Variants in STAG1 observed in about 807,000 individuals in gnomAD.
STAG1 encodes the protein STAG1 cohesin complex component, also known as cohesin subunit SA-1.
In STAG1, 26 loss-of-function variants were observed where a neutral mutation model predicts 170.9. The observed-to-expected ratio is 0.15, with a 90% CI of 0.11 to 0.21. STAG1 has a LOEUF of 0.21. Among genes scored for constraint, STAG1 ranks in the 10% least tolerant of loss-of-function variants. The probability of loss-of-function intolerance (pLI) is 1.00; values close to 1 mark genes in which losing one functional copy is unlikely to be tolerated. For synonymous variants in STAG1, 514 were observed against 497.7 expected, an observed-to-expected ratio of 1.03 and a Z score of -0.44; for missense variants, 964 against 1,509.5, an observed-to-expected ratio of 0.64 and a Z score of 5.99.
At chr3:136,371,035 T>A (rs1937304247) in intron 23 of STAG1, among the ~76,000 whole-genome samples, 1 of 152,200 alleles carries the variant, frequency 6.6e-6, no homozygotes, top group Admixed American at 6.5e-5. Context: ...TTCCTGACTT[T>A]TTAATGATCG....
intron 13 of STAG1, among the ~76,000 whole-genome samples, chr3:136,461,694 AAC>A (rs1452067861): frequency 6.6e-6 from 1 of 152,094 alleles, no homozygotes; most frequent in Non-Finnish European, 1.5e-5. Context: ...TAAAAGGAAA[AAC>A]AGACAAATGA....
intron 9 of STAG1, among the ~76,000 whole-genome samples, chr3:136,485,313 T>C (rs1344482037): frequency 6.6e-6 from 1 of 151,882 alleles, no homozygotes; most frequent in Non-Finnish European, 1.5e-5. Flanking sequence ...AAAAATTAGC[T>C]GGGCGTGGTG....
intron 15 of STAG1, among the ~76,000 whole-genome samples, chr3:136,436,115 C>G (rs1464381876): frequency 6.6e-6 from 1 of 151,330 alleles, no homozygotes; most frequent in East Asian, 1.9e-4. Flanking sequence ...GCCACCACAC[C>G]CGGCTAATTT....
intron 15 of STAG1, among the ~76,000 whole-genome samples, chr3:136,435,339 C>T (rs1678629765): frequency 6.6e-6 from 1 of 152,158 alleles, no homozygotes; most frequent in Non-Finnish European, 1.5e-5. Flanking sequence ...GAATGAGCCA[C>T]AGAAAAATGC....
intron 32 of STAG1, among the ~76,000 whole-genome samples, chr3:136,339,932 A>G (rs1935895628): frequency 6.6e-6 from 1 of 152,198 alleles, no homozygotes. Flanking sequence ...TTAAAGCACA[A>G]GAGGCCAGAT....
intron 9 of STAG1, among the ~76,000 whole-genome samples, chr3:136,499,021 GTC>G (rs1244878835): frequency 2.6e-5 from 4 of 152,140 alleles, no homozygotes; most frequent in African/African-American, 9.7e-5. Context: ...TACTACAGCT[GTC>G]TCTGAGTAAT....
chr3:136,475,803 G>A (rs976220343), intron 10 of STAG1, among the ~76,000 whole-genome samples: 1 of 152,180 alleles, frequency 6.6e-6, no homozygotes, highest in African/African-American at 2.4e-5. Flanking sequence ...ATTGCTAAGT[G>A]TCACTGAAAG....
intron 5 of STAG1, among the ~76,000 whole-genome samples, chr3:136,544,099 C>G (rs1936034362): frequency 6.6e-6 from 1 of 152,140 alleles, no homozygotes; most frequent in African/African-American, 2.4e-5. Context: ...GCATCCACCT[C>G]CAGAGTAGAC....
At chr3:136,602,119 G>A (rs185076910) in intron 4 of STAG1, among the ~76,000 whole-genome samples, 143 of 152,172 alleles carry the variant, frequency 9.4e-4, no homozygotes, top group African/African-American at 3.3e-3. Flanking sequence ...AGTGGCTCAC[G>A]TCTATAATCC....
chr3:136,500,316 A>G lies in STAG1; in HGVS notation c.829-20T>C, dbSNP rs762708410. 155 of 1,476,716 alleles carry G rather than the reference A, an allele frequency of 1.0e-4. No individual in the cohort carries two copies. The highest frequency in any genetic ancestry group is 3.1e-4 in the Admixed American group (17 of 54,856). 91.5% of individuals were successfully genotyped at this position (1,476,716 alleles called of 1,614,324 possible). A position where few individuals can be genotyped will look rare whatever the true frequency, so the allele number is the denominator to read the frequency against. On this transcript the variant is annotated intron_variant, in intron 8 of 33. Transcript: ENST00000383202. ...TTGCAGCTGAAATGAAAAAATATAT[A>G]TAAGTTGAAATCCTGATCATTTTAT...
intron 1 of STAG1, among the ~76,000 whole-genome samples, chr3:136,700,031 G>A (rs1943005058): frequency 6.6e-6 from 1 of 151,752 alleles, no homozygotes; most frequent in Non-Finnish European, 1.5e-5. Flanking sequence ...CCTCTTGCCT[G>A]TAAGTTTACT....
intron 29 of STAG1, among the ~76,000 whole-genome samples, chr3:136,347,395 CAAAAAAAA>C (rs34533734): frequency 6.4e-5 from 5 of 78,726 alleles, no homozygotes; most frequent in African/African-American, 1.5e-4. Flanking sequence ...GATCCTGTCT[CAAAAAAAA>C]AAAAAAAAAA....
At position 136,432,090 on chromosome 3, in the gene STAG1, T is replaced by C. The variant is rs143341125; in HGVS notation, c.1650+1466A>G. 5.4e-3 allele frequency among the ~76,000 whole-genome samples: 819 copies of C among 152,300 alleles called. 9 individuals carry two copies. The highest frequency in any genetic ancestry group is 0.019 in the African/African-American group (777 of 41,570). ...GTTCCACACATTTCTGAGGCTCTGA[T>C]AGTATTTCTTCAATCTTTTTTCTTC... On this transcript the variant is annotated intron_variant, in intron 16 of 33. Transcript: ENST00000383202.
chr3:136,372,400 T>A (rs560918649), intron 23 of STAG1, among the ~76,000 whole-genome samples: 98 of 152,318 alleles, frequency 6.4e-4, no homozygotes, highest in African/African-American at 2.2e-3. Flanking sequence ...ATAGGAGTGG[T>A]GAGAGAGGGC....
At chr3:136,344,046 G>A (rs1936115342) in intron 29 of STAG1, 40 bp from the exon 30 acceptor site, 1 of 1,469,764 alleles carries the variant, frequency 6.8e-7, no homozygotes, top group Non-Finnish European at 9.1e-7. Flanking sequence ...GTCGTGGGTG[G>A]AGTGAACTCT....
intron 3 of STAG1, among the ~76,000 whole-genome samples, chr3:136,622,103 G>C (rs1421949367): frequency 7.7e-6 from 1 of 130,668 alleles, no homozygotes; most frequent in African/African-American, 2.9e-5. Context: ...TTCGAGACCA[G>C]CCTGGCCAAC....
intron 4 of STAG1, among the ~76,000 whole-genome samples, chr3:136,571,632 G>T (rs547825367): frequency 5.3e-4 from 80 of 152,246 alleles, no homozygotes; most frequent in African/African-American, 1.9e-3. Flanking sequence ...CAACTCCTGG[G>T]AGGCCAAGGC....
rs190367222 is a variant in STAG1 at position 136,574,015 on chromosome 3, G to A, written c.298-5154C>T. Among the ~76,000 whole-genome samples, 408 of 152,076 alleles carry A rather than the reference G, an allele frequency of 2.7e-3. 2 individuals carry two copies. The highest frequency in any genetic ancestry group is 9.5e-3 in the African/African-American group (392 of 41,478). ...TCTCAGCACTCTGGGAGCCGAGGCA[G>A]GCGGATCAACAGGGCAGGAGATCGA... is the stretch of plus-strand genomic sequence containing the variant. On this transcript the variant is annotated intron_variant, in intron 4 of 33. Coordinates refer to ENST00000383202, the MANE Select transcript of STAG1 (RefSeq NM_005862.3).
At chr3:136,419,858 T>G (rs991648943) in intron 20 of STAG1, among the ~76,000 whole-genome samples, 10 of 152,096 alleles carry the variant, frequency 6.6e-5, no homozygotes, top group African/African-American at 2.2e-4. Flanking sequence ...TAAGCCTAAT[T>G]TGTTAAATAC....
Sources: gnomAD v4.1 joint callset for allele counts (sites outside exome capture counted in the v4.1 genomes callset) on GRCh38, gnomAD v4.1.1 for gene constraint, MANE v1.5 for transcripts, NCBI Gene and HGNC (gene_info 2026-07-23, HGNC 2026-07-21) for gene names.